NEK10: variants seen among roughly 807,000 people sequenced by gnomAD.
The protein encoded by NEK10 is NIMA related kinase 10.
In NEK10, 122 loss-of-function variants were observed where a neutral mutation model predicts 159.8. The observed-to-expected ratio is 0.76, with a 90% CI of 0.66 to 0.89. NEK10 has a LOEUF of 0.89. NEK10 is among the 40% of genes least tolerant of loss of function. The pLI is 0.00. For synonymous variants in NEK10, 466 were observed against 457.1 expected (o/e 1.02, Z -0.25); for missense variants, 1,342 against 1,323.1 (o/e 1.01, Z -0.22).
chr3:27,229,466 T>C (rs1952996558), intron 23 of NEK10, among the ~76,000 whole-genome samples: 2 of 152,178 alleles, frequency 1.3e-5, no homozygotes, highest in African/African-American at 4.8e-5. Context: ...AACAGGGTTC[T>C]ATAACACCCC....
chr3:27,211,448 T>C (rs1951002081), intron 23 of NEK10, among the ~76,000 whole-genome samples: 1 of 152,208 alleles, frequency 6.6e-6, no homozygotes, highest in African/African-American at 2.4e-5. Context: ...ACCAAATAGT[T>C]GACCCTCAGT....
chr3:27,322,827 C>T (rs538689592), intron 5 of NEK10, among the ~76,000 whole-genome samples: 9 of 152,284 alleles, frequency 5.9e-5, no homozygotes, highest in African/African-American at 1.9e-4. Flanking sequence ...GATATACCAT[C>T]AGCTAAAGGA....
intron 23 of NEK10, among the ~76,000 whole-genome samples, chr3:27,221,318 C>T (rs974761126): frequency 6.6e-6 from 1 of 152,132 alleles, no homozygotes; most frequent in Non-Finnish European, 1.5e-5. Flanking sequence ...AATAAAAACA[C>T]AAGTAACCCA....
intron 8 of NEK10, 99 bp from the exon 9 acceptor site, chr3:27,311,115 G>A: frequency 1.4e-6 from 1 of 724,108 alleles, no homozygotes; most frequent in Non-Finnish European, 2.4e-6. Context: ...GGCAGAGAAA[G>A]GTCAAAGGGA....
rs146890200 is a variant in NEK10 at position 27,193,664 on chromosome 3, C to A, written c.2292-1422G>T. Among the ~76,000 whole-genome samples the A allele has an allele frequency of 1.2e-3, 166 of 139,334 alleles. 2 individuals are homozygous for A. Among genetic ancestry groups the A allele is most frequent in the African/African-American group, 4.4e-3 (160 of 36,078 alleles). 91.4% of individuals were successfully genotyped at this position (139,334 alleles called of 152,430 possible). ...TTATCTTTCCCAGCCATCATCTCAG[C>A]CATCATCTCTTATATACTTGCCAAA... On this transcript the variant is annotated intron_variant, in intron 25 of 35. Coordinates refer to ENST00000691995, the MANE Select transcript of NEK10 (RefSeq NM_001394966.1).
At chr3:27,224,683 CACT>C (rs1952444351) in intron 23 of NEK10, among the ~76,000 whole-genome samples, 1 of 152,126 alleles carries the variant, frequency 6.6e-6, no homozygotes, top group South Asian at 2.1e-4. Context: ...TCCTTACTCT[CACT>C]ACCCTGGGAT....
chr3:27,174,901 G>C (rs1947358773), intron 26 of NEK10, 68 bp from the exon 27 acceptor site: 1 of 1,306,062 alleles, frequency 7.7e-7, no homozygotes, highest in Admixed American at 2.4e-5. Context: ...CCTAAATCTT[G>C]TTAGAACATA....
intron 8 of NEK10, 59 bp downstream of exon 8, chr3:27,312,040 C>T: frequency 9.4e-7 from 1 of 1,065,316 alleles, no homozygotes; most frequent in Non-Finnish European, 1.4e-6. Context: ...GCTGCAAACA[C>T]CATACTGCTT....
intron 1 of NEK10, among the ~76,000 whole-genome samples, chr3:27,358,744 G>T (rs540754719): frequency 6.6e-5 from 10 of 152,184 alleles, no homozygotes; most frequent in African/African-American, 2.2e-4. Flanking sequence ...AGATCCTCAG[G>T]TGGCCTCATA....
At chr3:27,264,507 A>G (rs750920195) in intron 22 of NEK10, among the ~76,000 whole-genome samples, 1 of 152,210 alleles carries the variant, frequency 6.6e-6, no homozygotes, top group Non-Finnish European at 1.5e-5. Flanking sequence ...CATCAGTGTG[A>G]GTTCAATAGA....
intron 1 of NEK10, among the ~76,000 whole-genome samples, chr3:27,356,927 G>A (rs908328463): frequency 6.6e-6 from 1 of 152,188 alleles, no homozygotes; most frequent in African/African-American, 2.4e-5. Context: ...ACAGCACATA[G>A]TGCATGACAC....
intron 6 of NEK10, among the ~76,000 whole-genome samples, chr3:27,319,481 A>G (rs1407760573): frequency 2.6e-5 from 4 of 152,234 alleles, no homozygotes; most frequent in Admixed American, 6.5e-5. Context: ...AGTGTGGTCT[A>G]TTTAAATGGC....
intron 25 of NEK10, among the ~76,000 whole-genome samples, chr3:27,196,068 C>A (rs1306655361): frequency 6.6e-6 from 1 of 152,106 alleles, no homozygotes; most frequent in African/African-American, 2.4e-5. Context: ...GAAATGGAAT[C>A]CACAGGCAAA....
intron 22 of NEK10, among the ~76,000 whole-genome samples, chr3:27,260,623 A>C (rs1378071016): frequency 6.6e-6 from 1 of 152,190 alleles, no homozygotes; most frequent in African/African-American, 2.4e-5. Context: ...TTGGTTTGCC[A>C]GTATTTTATT....
At chr3:27,183,578 TAA>T (rs1948340894) in intron 26 of NEK10, among the ~76,000 whole-genome samples, 1 of 152,020 alleles carries the variant, frequency 6.6e-6, no homozygotes, top group African/African-American at 2.4e-5. Flanking sequence ...ATTACATGAA[TAA>T]GTCTTCATCA....
chr3:27,243,138 T>G (rs1954726998), intron 23 of NEK10, among the ~76,000 whole-genome samples: 1 of 152,210 alleles, frequency 6.6e-6, no homozygotes, highest in Non-Finnish European at 1.5e-5. Flanking sequence ...GAAAACAATT[T>G]CTGGCACTTC....
intron 35 of NEK10, among the ~76,000 whole-genome samples, chr3:27,115,420 C>T (rs968843237): frequency 2.0e-5 from 3 of 152,130 alleles, no homozygotes; most frequent in Non-Finnish European, 2.9e-5. Flanking sequence ...AGATAACATA[C>T]AGCTCCAGTA....
At chr3:27,174,559 G>C (rs756117021) in intron 27 of NEK10, 34 bp from the exon 28 acceptor site, 1 of 1,601,754 alleles carries the variant, frequency 6.2e-7, no homozygotes, top group African/African-American at 1.4e-5. Flanking sequence ...AAAAGCAAAT[G>C]AGTCTTGAAA....
intron 30 of NEK10, among the ~76,000 whole-genome samples, chr3:27,156,095 A>G (rs938787612): frequency 5.3e-5 from 8 of 152,106 alleles, no homozygotes; most frequent in Non-Finnish European, 1.5e-5. Context: ...AAGTAGGAAA[A>G]GAAACTGGAC....
Sources: gnomAD v4.1 joint callset for allele counts (sites outside exome capture counted in the v4.1 genomes callset) on GRCh38, gnomAD v4.1.1 for gene constraint, MANE v1.5 for transcripts, NCBI Gene and HGNC (gene_info 2026-07-23, HGNC 2026-07-21) for gene names.